The following EEF2K variants were observed in gnomAD, a reference collection of about 807,000 sequenced individuals.
EEF2K encodes eukaryotic elongation factor 2 kinase.
A neutral mutation model predicts 93.8 loss-of-function variants in EEF2K; 70 were observed. That is an observed-to-expected ratio of 0.75 (90% CI 0.62 to 0.91). The LOEUF (loss-of-function observed/expected upper bound fraction) is 0.91. Among genes scored for constraint, EEF2K ranks in the 40% least tolerant of loss-of-function variants. The probability of loss-of-function intolerance (pLI) is 0.00; values close to 1 mark genes in which losing one functional copy is unlikely to be tolerated. For synonymous variants in EEF2K, 376 were observed against 380.8 expected (o/e 0.99, Z 0.15); for missense variants, 935 against 972.9 (o/e 0.96, Z 0.52).
intron 12 of EEF2K, among the ~76,000 whole-genome samples, chr16:22,264,339 G>T (rs1294631248): frequency 6.6e-6 from 1 of 150,376 alleles, no homozygotes; most frequent in African/African-American, 2.5e-5. Context: ...GGGCCTGGTG[G>T]CTCACCTGCA....
chr16:22,224,104 G>C (rs1391650336), intron 1 of EEF2K, among the ~76,000 whole-genome samples: 1 of 152,144 alleles, frequency 6.6e-6, no homozygotes, highest in Admixed American at 6.5e-5. Context: ...CTACTCAGGA[G>C]ACTGAGGCAG....
intron 15 of EEF2K, among the ~76,000 whole-genome samples, chr16:22,271,355 G>T (rs1462734779): frequency 6.6e-6 from 1 of 152,056 alleles, no homozygotes; most frequent in Non-Finnish European, 1.5e-5. Flanking sequence ...AAGGAAATGT[G>T]TGCCCACATA....
At position 22,286,773 on chromosome 16, in the gene EEF2K, T is replaced by C. The variant is rs1395071147; in HGVS notation, c.*2777T>C. On this transcript the variant is annotated 3_prime_UTR_variant, in exon 18 of 18. Transcript: ENST00000263026. The stretch of plus-strand genomic sequence containing the variant: ...CAAAACACAGTGCTTTGGCATAGAG[T>C]AGGCACTCAACAAGTGTGTGAACAG... 1 of 152,108 alleles carries C rather than the reference T, an allele frequency of 6.6e-6. No individual in the cohort carries two copies. Among genetic ancestry groups the C allele is most frequent in the Non-Finnish European group, 1.5e-5 (1 of 68,048 alleles). The allele number at this position is 152,108 out of a possible 1,614,324, so 9.4% of individuals were successfully genotyped here. A position where few individuals can be genotyped will look rare whatever the true frequency, so the allele number is the denominator to read the frequency against.
At chr16:22,278,780 A>G (rs992419989) in intron 16 of EEF2K, among the ~76,000 whole-genome samples, 5 of 152,074 alleles carry the variant, frequency 3.3e-5, no homozygotes, top group African/African-American at 1.2e-4. Context: ...TTTGCTGTGT[A>G]TTCTGTGGTG....
chr16:22,275,169 G>A (rs766464768), intron 16 of EEF2K, among the ~76,000 whole-genome samples: 1 of 152,108 alleles, frequency 6.6e-6, no homozygotes, highest in Non-Finnish European at 1.5e-5. Flanking sequence ...CTGGAGCTGG[G>A]CACTGAGTAT....
Position 22,256,763 on chromosome 16 carries a change from A to C in EEF2K, c.634A>C (p.Met212Leu). 1 of 1,613,940 alleles carries C rather than the reference A, an allele frequency of 6.2e-7. No individual in the cohort carries two copies. The highest frequency in any genetic ancestry group is 8.5e-7 in the Non-Finnish European group (1 of 1,179,966). Residue 212 changes from methionine to leucine, a missense_variant, in exon 7 of 18, where the codon ATG becomes CTG. Transcript: ENST00000263026. ...KPPKQVDIMQ[M>L]CIIELKDRPG... ...ATCCCACCAGGTGGACATCATGCAGATGTGCATCATCGAGCTGAAGGACAG... is the reference window on the plus strand; with the variant it reads ...ATCCCACCAGGTGGACATCATGCAGCTGTGCATCATCGAGCTGAAGGACAG...
At chr16:22,258,873 A>G (rs1020665851) in intron 10 of EEF2K, 178 bp downstream of exon 10, 2 of 742,494 alleles carry the variant, frequency 2.7e-6, no homozygotes, top group African/African-American at 3.5e-5. Flanking sequence ...TCCAAATGCT[A>G]TAAAAACAAC....
At chr16:22,283,080 A>G (rs1057010273) in intron 17 of EEF2K, among the ~76,000 whole-genome samples, 7 of 152,194 alleles carry the variant, frequency 4.6e-5, no homozygotes, top group Non-Finnish European at 7.3e-5. Flanking sequence ...AGGCCAAGGC[A>G]GGCAGATCAC....
intron 1 of EEF2K, among the ~76,000 whole-genome samples, chr16:22,222,689 GA>G (rs1358826328): frequency 7.3e-6 from 1 of 137,278 alleles, no homozygotes; most frequent in Non-Finnish European, 1.5e-5. Flanking sequence ...CCAACATGGT[GA>G]AACCCCGTCC....
chr16:22,266,974 C>G, intron 15 of EEF2K, 98 bp downstream of exon 15: 1 of 1,426,042 alleles, frequency 7.0e-7, no homozygotes. Context: ...ATTCACCTGC[C>G]TTCTATCCTG....
chr16:22,260,637 G>A, intron 11 of EEF2K, 108 bp downstream of exon 11: 3 of 1,373,752 alleles, frequency 2.2e-6, no homozygotes, highest in Middle Eastern at 2.3e-4. Context: ...CCTAGCCCAG[G>A]CACTGCCAGG....
chr16:22,244,619 G>T lies in EEF2K; in HGVS notation c.247-11G>T. ...GCCTGATGTTCCTACCTTCTCCTTTGCCTTCCACAGGAAGCCTGGAAGCAC... is the reference window on the plus strand; with the variant it reads ...GCCTGATGTTCCTACCTTCTCCTTTTCCTTCCACAGGAAGCCTGGAAGCAC... On this transcript the variant is annotated splice_polypyrimidine_tract_variant and intron_variant, in intron 2 of 17. Transcript: ENST00000263026. 6.2e-7 allele frequency: 1 copy of T among 1,613,682 alleles called. No individual in the cohort carries two copies. Among genetic ancestry groups the T allele is most frequent in the African/African-American group, 1.3e-5 (1 of 75,012 alleles).
chr16:22,225,373 T>C (rs2047052329), intron 1 of EEF2K, among the ~76,000 whole-genome samples: 1 of 152,216 alleles, frequency 6.6e-6, no homozygotes, highest in Non-Finnish European at 1.5e-5. Flanking sequence ...ATCTAATTGA[T>C]GTGCTAAAAA....
At chr16:22,255,924 T>A (rs1451035271) in intron 6 of EEF2K, among the ~76,000 whole-genome samples, 1 of 151,556 alleles carries the variant, frequency 6.6e-6, no homozygotes, top group Non-Finnish European at 1.5e-5. Flanking sequence ...ATAAATTTTT[T>A]TTTTTTTAAG....
Position 22,285,631 on chromosome 16 carries a change from T to C in EEF2K, c.*1635T>C, listed in dbSNP as rs2047746799. 6.6e-6 allele frequency: 1 copy of C among 152,262 alleles called. No homozygotes were observed. The allele number at this position is 152,262 out of a possible 1,614,324, so 9.4% of individuals were successfully genotyped here. A position where few individuals can be genotyped will look rare whatever the true frequency, so the allele number is the denominator to read the frequency against. ...CTCAGGACTTCAAGACCAGCCTGGG[T>C]AAACATGGCGAGACCCTGTCTCTAC... On this transcript the variant is annotated 3_prime_UTR_variant, in exon 18 of 18. Transcript: ENST00000263026.
chr16:22,226,517 CT>C (rs553013823), intron 2 of EEF2K, among the ~76,000 whole-genome samples: 129 of 106,818 alleles, frequency 1.2e-3, no homozygotes, highest in Admixed American at 1.7e-3. Context: ...CCTTCTTCTT[CT>C]TTTTTTTTTT....
chr16:22,249,401 C>T (rs777967273), intron 4 of EEF2K, among the ~76,000 whole-genome samples: 5 of 151,724 alleles, frequency 3.3e-5, no homozygotes, highest in Non-Finnish European at 5.9e-5. Flanking sequence ...ATACAATATA[C>T]ACAGAAAAGT....
rs771873088 is a variant in EEF2K, at chr16:22,257,718, T to C, written c.977T>C (p.Phe326Ser). ...RICESMGLAP[F>S]DLSPRERDAV... ...TGCGAGAGCATGGGCCTTGCTCCCT[T>C]TGACCTCTCGCCCCGGGAGAGGGAT... Residue 326 changes from phenylalanine (F) to serine (S), a missense_variant, in exon 9 of 18, where the codon TTT (phenylalanine) becomes TCT (serine). Coordinates refer to ENST00000263026, the MANE Select transcript of EEF2K (RefSeq NM_013302.5). 9.7e-5 allele frequency: 156 copies of C among 1,613,896 alleles called. No homozygotes were observed. The highest frequency in any genetic ancestry group is 1.3e-4 in the Non-Finnish European group (151 of 1,180,034).
intron 12 of EEF2K, 118 bp downstream of exon 12, chr16:22,263,305 T>G: frequency 2.3e-6 from 2 of 887,024 alleles, no homozygotes; most frequent in Non-Finnish European, 3.2e-6. Flanking sequence ...AGATAACAAG[T>G]AAATTAATAA....
Sources: gnomAD v4.1 joint callset for allele counts (sites outside exome capture counted in the v4.1 genomes callset) on GRCh38, gnomAD v4.1.1 for gene constraint, MANE v1.5 for transcripts, NCBI Gene and HGNC (gene_info 2026-07-23, HGNC 2026-07-21) for gene names.